FAM13A: variants seen among roughly 807,000 people sequenced by gnomAD.
The protein encoded by FAM13A is protein FAM13A.
FAM13A carries 76 observed loss-of-function variants against 129.6 expected under a neutral mutation model. The ratio of observed to expected loss-of-function variants is 0.59; its 90% confidence interval spans 0.49 to 0.71. FAM13A has a LOEUF of 0.71. Ranked by LOEUF, FAM13A falls within the 30% of genes least tolerant of loss-of-function variation. FAM13A has a pLI of 0.00. For missense variants in FAM13A, 1,108 were observed against 1,249.3 expected, an observed-to-expected ratio of 0.89 and a Z score of 1.70; for synonymous variants, 443 against 449.9, an observed-to-expected ratio of 0.98 and a Z score of 0.20.
chr4:88,968,629 A>C (rs138736235), intron 4 of FAM13A, among the ~76,000 whole-genome samples: 2 of 152,258 alleles, frequency 1.3e-5, no homozygotes, highest in East Asian at 3.9e-4. Flanking sequence ...AATTTCCAAA[A>C]GTGTTTTGGA....
intron 3 of FAM13A, among the ~76,000 whole-genome samples, chr4:89,000,830 C>T (rs7656238): frequency 0.78 from 119,077 of 152,220 alleles, 46,753 homozygotes; most frequent in Middle Eastern, 0.88. Context: ...GTACCTACTT[C>T]TCCTCCTAAT....
At chr4:88,756,696 A>T (rs534464238) in intron 14 of FAM13A, among the ~76,000 whole-genome samples, 12 of 152,288 alleles carry the variant, frequency 7.9e-5, no homozygotes, top group Admixed American at 4.6e-4. Context: ...CAATTTTCTT[A>T]TTTTAGCTAT....
At chr4:88,923,330 A>G (rs1751460582) in intron 5 of FAM13A, among the ~76,000 whole-genome samples, 1 of 152,254 alleles carries the variant, frequency 6.6e-6, no homozygotes, top group Admixed American at 6.5e-5. Flanking sequence ...CGAATTCAGC[A>G]GCACATCAAA....
At chr4:88,823,905 A>ATTTTTTT (rs1732543539) in intron 7 of FAM13A, among the ~76,000 whole-genome samples, 1 of 152,232 alleles carries the variant, frequency 6.6e-6, no homozygotes, top group East Asian at 1.9e-4. Context: ...GTTTCAACTT[A>ATTTTTTT]CTATTTCTGC....
intron 6 of FAM13A, among the ~76,000 whole-genome samples, chr4:88,873,950 T>C (rs1371249717): frequency 6.6e-6 from 1 of 151,470 alleles, no homozygotes. Context: ...CAAGATCAAG[T>C]TGGCTTCATC....
chr4:88,992,468 A>C (rs1763038739), intron 3 of FAM13A, among the ~76,000 whole-genome samples: 1 of 151,996 alleles, frequency 6.6e-6, no homozygotes, highest in Non-Finnish European at 1.5e-5. Context: ...ACGGCATTTC[A>C]CCATGTTGGC....
chr4:88,843,613 G>C (rs570606911), intron 7 of FAM13A, among the ~76,000 whole-genome samples: 309 of 152,320 alleles, frequency 2.0e-3, no homozygotes, highest in African/African-American at 6.7e-3. Flanking sequence ...TAGATACCTT[G>C]AAGGGCAATG....
chr4:88,918,123 T>C (rs1488280279), intron 5 of FAM13A, among the ~76,000 whole-genome samples: 1 of 152,206 alleles, frequency 6.6e-6, no homozygotes, highest in East Asian at 1.9e-4. Context: ...CCAGAGTTGG[T>C]TTTTGTTGTT....
chr4:88,962,516 G>A (rs961179776), intron 4 of FAM13A, among the ~76,000 whole-genome samples: 1 of 152,202 alleles, frequency 6.6e-6, no homozygotes, highest in African/African-American at 2.4e-5. Context: ...TGCAATCTGA[G>A]TAAGGGGTGG....
chr4:88,913,998 G>C (rs527940712), intron 5 of FAM13A, among the ~76,000 whole-genome samples: 3 of 141,214 alleles, frequency 2.1e-5, no homozygotes, highest in African/African-American at 5.5e-5. Context: ...GTGAGACTCC[G>C]TCTCAAAAAA....
At chr4:88,923,358 T>C (rs1305419285) in intron 5 of FAM13A, among the ~76,000 whole-genome samples, 1 of 152,150 alleles carries the variant, frequency 6.6e-6, no homozygotes, top group Non-Finnish European at 1.5e-5. Flanking sequence ...TCCACCATGA[T>C]CAAGTGGGCT....
At chr4:88,860,349 G>T (rs1232723933) in intron 6 of FAM13A, among the ~76,000 whole-genome samples, 2 of 152,196 alleles carry the variant, frequency 1.3e-5, no homozygotes, top group African/African-American at 2.4e-5. Context: ...TCAGGATTCT[G>T]TGCTGTAAGA....
At chr4:88,741,761 T>TCC (rs1740312468) in intron 19 of FAM13A, among the ~76,000 whole-genome samples, 1 of 152,188 alleles carries the variant, frequency 6.6e-6, no homozygotes, top group African/African-American at 2.4e-5. Context: ...TTTGGGATGC[T>TCC]CAATCAGTAT....
At chr4:88,822,224 C>A (rs1323830642) in intron 7 of FAM13A, among the ~76,000 whole-genome samples, 1 of 152,024 alleles carries the variant, frequency 6.6e-6, no homozygotes, top group Non-Finnish European at 1.5e-5. Flanking sequence ...TAAAATGTGA[C>A]CTTGGGCAGC....
intron 7 of FAM13A, among the ~76,000 whole-genome samples, chr4:88,836,213 T>C (rs1734773839): frequency 6.6e-6 from 1 of 152,204 alleles, no homozygotes. Context: ...CTTAAAATGA[T>C]TAAAATGGTA....
intron 7 of FAM13A, among the ~76,000 whole-genome samples, chr4:88,845,306 T>C (rs895263910): frequency 1.3e-5 from 2 of 151,966 alleles, no homozygotes; most frequent in Admixed American, 6.6e-5. Context: ...TGTTTGGGCA[T>C]AGTGAGTTTA....
At chr4:89,001,723 C>A (rs901377575) in intron 3 of FAM13A, among the ~76,000 whole-genome samples, 41 of 152,098 alleles carry the variant, frequency 2.7e-4, no homozygotes, top group Non-Finnish European at 4.7e-4. Context: ...CAACACAATA[C>A]AGATGGCATC....
chr4:88,764,933 G>A (rs531594206), intron 13 of FAM13A, among the ~76,000 whole-genome samples: 1 of 152,222 alleles, frequency 6.6e-6, no homozygotes, highest in Non-Finnish European at 1.5e-5. Flanking sequence ...GAGATCTCAG[G>A]AGAATCTCGT....
intron 1 of FAM13A, among the ~76,000 whole-genome samples, chr4:89,037,167 A>G (rs1182588862): frequency 6.6e-6 from 1 of 152,218 alleles, no homozygotes; most frequent in Non-Finnish European, 1.5e-5. Context: ...TGTGCCTGGA[A>G]AAGCTGTAAG....
Sources: allele counts gnomAD v4.1 joint callset (sites outside exome capture counted in the v4.1 genomes callset), GRCh38; gene constraint gnomAD v4.1.1; transcripts MANE v1.5; gene names NCBI Gene and HGNC (gene_info 2026-07-23, HGNC 2026-07-21).